Variants in PTPRH observed in about 807,000 individuals in gnomAD.
PTPRH encodes receptor-type tyrosine-protein phosphatase H.
In PTPRH, 113 loss-of-function variants were observed where a neutral mutation model predicts 130.2. The observed-to-expected ratio is 0.87, with a 90% confidence interval of 0.75 to 1.01. The LOEUF (loss-of-function observed/expected upper bound fraction) is 1.01. Among genes scored for constraint, PTPRH ranks in the 50% least tolerant of loss-of-function variants. The pLI is 0.00. For synonymous variants in PTPRH, 556 were observed against 577.9 expected (o/e 0.96, Z 0.54); for missense variants, 1,430 against 1,425.0 (o/e 1.00, Z -0.06).
intron 12 of PTPRH, among the ~76,000 whole-genome samples, chr19:55,190,463 T>C (rs1372682654): frequency 7.1e-6 from 1 of 140,688 alleles, no homozygotes; most frequent in African/African-American, 2.6e-5. Flanking sequence ...TTTTATATAT[T>C]ATAAATTTAT....
chr19:55,186,340 T>A lies in PTPRH; in HGVS notation c.2663A>T (p.Glu888Val). Residue 888 changes from glutamate (E) to valine (V), a missense_variant, in exon 16 of 20, where the codon GAG (glutamate) becomes GTG (valine). Transcript: ENST00000376350. ...SFMPGLWSPQ[E>V]FIATQGPLPQ... ...CAGGGGACCCTGGGTTGCAATGAAC[T>A]CCTGGGGGCTCCAGAGACCCTGGTT... 1.2e-6 allele frequency: 2 copies of A among 1,613,758 alleles called. No individual in the cohort carries two copies. Among genetic ancestry groups the A allele is most frequent in the Non-Finnish European group, 1.7e-6 (2 of 1,179,832 alleles).
chr19:55,196,194 C>A (rs1482877411), intron 10 of PTPRH, among the ~76,000 whole-genome samples: 1 of 151,998 alleles, frequency 6.6e-6, no homozygotes, highest in African/African-American at 2.4e-5. Flanking sequence ...TCGAGACCAG[C>A]CTGGCCGACA....
At position 55,200,400 on chromosome 19, in the gene PTPRH, T is replaced by C. The variant is rs1422428199; in HGVS notation, c.1256A>G (p.Tyr419Cys). The C allele has an allele frequency of 6.2e-7, 1 of 1,614,212 alleles. No homozygotes were observed. The highest frequency in any genetic ancestry group is 8.5e-7 in the Non-Finnish European group (1 of 1,180,038). The part of the protein sequence containing the change: ...PDGPYPQDYT[Y>C]WVEYTGDGGG... ...ACCGTCTCCAGTGTACTCTACCCAG[T>C]AGGTGTAGTCCTGAGGGTATGGGCC... The change falls in exon 7 of 20, where the codon TAC becomes TGC. Residue 419 changes from tyrosine (Y) to cysteine (C), a missense_variant. Coordinates refer to ENST00000376350, the MANE Select transcript of PTPRH (RefSeq NM_002842.5).
chr19:55,187,461 G>T, intron 14 of PTPRH, 52 bp downstream of exon 14: 1 of 1,472,316 alleles, frequency 6.8e-7, no homozygotes, highest in African/African-American at 1.4e-5. Context: ...ACTGGGGTGG[G>T]GTGCCGACTA....
At chr19:55,204,565 A>G (rs1016252590) in intron 4 of PTPRH, among the ~76,000 whole-genome samples, 7 of 152,160 alleles carry the variant, frequency 4.6e-5, no homozygotes, top group African/African-American at 1.7e-4. Context: ...CAGGGCTAGG[A>G]TGGAGCTGAG....
At chr19:55,191,574 G>A in intron 11 of PTPRH, 26 bp from the exon 12 acceptor site, 9 of 1,614,000 alleles carry the variant, frequency 5.6e-6, no homozygotes, top group Non-Finnish European at 7.6e-6. Flanking sequence ...TAGGATGAGA[G>A]GCTCAGGGGG....
chr19:55,187,344 C>CAAAAAAAAAAAAAAAAAAAAA (rs58124409), intron 14 of PTPRH, among the ~76,000 whole-genome samples, 169 bp downstream of exon 14: 1 of 45,262 alleles, frequency 2.2e-5, no homozygotes, highest in African/African-American at 8.6e-5. Flanking sequence ...GACTCCGTCT[C>CAAAAAAAAAAAAAAAAAAAAA]AAAAAAAAAA....
chr19:55,206,799 G>A lies in PTPRH; in HGVS notation c.242C>T (p.Ala81Val), dbSNP rs200866350. ...GGTTETRNTTATNVTVDGLGP... is the reference protein window; with the variant it reads ...GGTTETRNTTVTNVTVDGLGP... ...AAGGCCATCCACGGTGACGTTGGTG[G>A]CTGTTGTGTTTCGAGTCTCTGTTGT... Residue 81 changes from alanine (A) to valine (V), a missense_variant, in exon 3 of 20, where the codon GCC becomes GTC. By Grantham distance (64) the Ala-to-Val change is moderately conservative. Transcript: ENST00000376350. 1.4e-5 allele frequency: 23 copies of A among 1,614,054 alleles called. 1 individual carries two copies. Among genetic ancestry groups the A allele is most frequent in the Non-Finnish European group, 1.9e-5 (23 of 1,180,046 alleles).
At chr19:55,185,252 C>A (rs1344504452) in intron 18 of PTPRH, among the ~76,000 whole-genome samples, 1 of 152,160 alleles carries the variant, frequency 6.6e-6, no homozygotes, top group Non-Finnish European at 1.5e-5. Context: ...CTTGGCCTCC[C>A]AAAGTGCTAG....
At chr19:55,206,385 CCAAT>C (rs2087056264) in intron 3 of PTPRH, among the ~76,000 whole-genome samples, 1 of 149,708 alleles carries the variant, frequency 6.7e-6, no homozygotes, top group African/African-American at 2.5e-5. Context: ...GTGCAGCGGT[CCAAT>C]CAGAGCTCAC....
chr19:55,192,372 A>T (rs1197574547), intron 10 of PTPRH, among the ~76,000 whole-genome samples: 3 of 151,930 alleles, frequency 2.0e-5, no homozygotes, highest in African/African-American at 7.3e-5. Context: ...ACTGCACTCC[A>T]GCCTGGGTAA....
At chr19:55,182,990 C>A (rs2086218569) in intron 18 of PTPRH, among the ~76,000 whole-genome samples, 1 of 151,456 alleles carries the variant, frequency 6.6e-6, no homozygotes, top group Non-Finnish European at 1.5e-5. Flanking sequence ...GAGACGGGGT[C>A]TTGCCATGTT....
At chr19:55,186,079 G>C (rs1490505607) in intron 16 of PTPRH, 95 bp from the exon 17 acceptor site, 20 of 1,595,184 alleles carry the variant, frequency 1.3e-5, no homozygotes, top group Non-Finnish European at 1.3e-5. Context: ...AGATGGGCTG[G>C]GGGGAGAGTG....
Position 55,185,552 on chromosome 19 carries a change from C to A in PTPRH, c.3012G>T (p.Arg1004=), listed in dbSNP as rs147411515. The A allele has an allele frequency of 3.7e-5, 59 of 1,614,188 alleles. No individual in the cohort carries two copies. The Middle Eastern group carries it at 8.2e-4, about 23-fold the overall frequency. Residue 1004 remains arginine, a synonymous_variant, in exon 18 of 20, where the codon CGG becomes CGT. Coordinates refer to ENST00000376350, the MANE Select transcript of PTPRH (RefSeq NM_002842.5). ...CCTCCATGGTCTGATCCAGCCACTG[C>A]CGAAGCATCCTCCAGAAAGCCAGCA... The part of the protein sequence containing the change: ...DTLLAFWRML[R]QWLDQTMEGG...
At chr19:55,199,518 T>C (rs1043925150) in intron 7 of PTPRH, among the ~76,000 whole-genome samples, 1 of 151,762 alleles carries the variant, frequency 6.6e-6, no homozygotes, top group Non-Finnish European at 1.5e-5. Flanking sequence ...GGCAGGAGAA[T>C]TGCTTGAGCC....
chr19:55,188,035 C>A (rs775187242), intron 13 of PTPRH, 43 bp downstream of exon 13: 1 of 1,528,422 alleles, frequency 6.5e-7, no homozygotes, highest in Non-Finnish European at 9.1e-7. Context: ...GGGTCTGGGC[C>A]ACCGGAGGGA....
chr19:55,203,644 G>C (rs1600072257), intron 5 of PTPRH, 138 bp downstream of exon 5: 20 of 1,051,496 alleles, frequency 1.9e-5, no homozygotes, highest in Non-Finnish European at 2.5e-5. Context: ...GTGGCTGATA[G>C]AAAATTGAAA....
intron 5 of PTPRH, 124 bp from the exon 6 acceptor site, chr19:55,202,446 G>A: frequency 7.1e-7 from 1 of 1,408,516 alleles, no homozygotes; most frequent in Non-Finnish European, 9.5e-7. Flanking sequence ...TGTCCAGTGT[G>A]GCAGCCACGA....
At chr19:55,187,357 AAAAGAAAAAAAG>A (rs2086385786) in intron 14 of PTPRH, among the ~76,000 whole-genome samples, 144 bp downstream of exon 14, 2 of 112,694 alleles carry the variant, frequency 1.8e-5, no homozygotes, top group African/African-American at 8.4e-5. Flanking sequence ...AAAAAAAAAA[AAAAGAAAAAAAG>A]AAAAAAAAAA....
Sources: gnomAD v4.1 joint callset for allele counts (sites outside exome capture counted in the v4.1 genomes callset) on GRCh38, gnomAD v4.1.1 for gene constraint, MANE v1.5 for transcripts, NCBI Gene and HGNC (gene_info 2026-07-23, HGNC 2026-07-21) for gene names.